FOXO1: variants seen among roughly 807,000 people sequenced by gnomAD.
FOXO1 encodes the protein forkhead box protein O1.
A neutral mutation model predicts 44.1 loss-of-function variants in FOXO1; 6 were observed. That is an observed-to-expected ratio of 0.14 (90% confidence interval 0.07 to 0.27). The LOEUF (loss-of-function observed/expected upper bound fraction) is 0.27. FOXO1 is among the 10% of genes least tolerant of loss of function. FOXO1 has a pLI of 1.00. For synonymous variants in FOXO1, 380 were observed against 362.7 expected (o/e 1.05, Z -0.54); for missense variants, 737 against 888.8 (o/e 0.83, Z 2.17).
At chr13:40,567,510 C>A (rs1874315312) in intron 1 of FOXO1, among the ~76,000 whole-genome samples, 1 of 152,116 alleles carries the variant, frequency 6.6e-6, no homozygotes, top group Admixed American at 6.6e-5. Flanking sequence ...ATTCTACCTG[C>A]AACCCCACTG....
chr13:40,582,784 A>G (rs1038660187), intron 1 of FOXO1, among the ~76,000 whole-genome samples: 1 of 152,210 alleles, frequency 6.6e-6, no homozygotes, highest in South Asian at 2.1e-4. Flanking sequence ...CTCTTCTGAA[A>G]TCTTGAACCC....
At chr13:40,615,528 A>C (rs1266895435) in intron 1 of FOXO1, among the ~76,000 whole-genome samples, 1 of 139,706 alleles carries the variant, frequency 7.2e-6, no homozygotes, top group Admixed American at 7.1e-5. Flanking sequence ...CTCCATCTCA[A>C]ATACATACAT....
intron 1 of FOXO1, among the ~76,000 whole-genome samples, chr13:40,585,343 G>A (rs868644433): frequency 9.2e-4 from 135 of 147,118 alleles, no homozygotes; most frequent in East Asian, 3.5e-3. Context: ...CTGCGCGCGC[G>A]CACACACACA....
At chr13:40,663,213 A>T (rs111480421) in intron 1 of FOXO1, among the ~76,000 whole-genome samples, 188 of 151,454 alleles carry the variant, frequency 1.2e-3, no homozygotes, top group African/African-American at 2.2e-3. Flanking sequence ...AAATAAATTT[A>T]AAAAAAAACT....
At chr13:40,583,696 A>T (rs1207585672) in intron 1 of FOXO1, among the ~76,000 whole-genome samples, 1 of 152,206 alleles carries the variant, frequency 6.6e-6, no homozygotes, top group African/African-American at 2.4e-5. Context: ...CTTGCTCTGA[A>T]CATGGCTTTG....
rs548709361 is a variant in FOXO1 at position 40,602,049 on chromosome 13, C to A, written c.631-41189G>T. On this transcript the variant is annotated intron_variant, in intron 1 of 2. Transcript: ENST00000379561. ...AGAAAGATTCATGTAAACCTTAGTC[C>A]CATCACTAAAGCAAAAGACAAGCAT... Among the ~76,000 whole-genome samples, 3 of 152,158 alleles carry A rather than the reference C, an allele frequency of 2.0e-5. No homozygotes were observed. The East Asian group carries it at 5.8e-4, about 29-fold the overall frequency.
At chr13:40,574,880 A>G (rs1446773110) in intron 1 of FOXO1, among the ~76,000 whole-genome samples, 1 of 152,244 alleles carries the variant, frequency 6.6e-6, no homozygotes, top group Admixed American at 6.5e-5. Context: ...CATAATAAAT[A>G]GCCAAACCTA....
At chr13:40,628,356 TACACACACACACACAC>T (rs34314244) in intron 1 of FOXO1, among the ~76,000 whole-genome samples, 1 of 145,206 alleles carries the variant, frequency 6.9e-6, no homozygotes, top group South Asian at 2.2e-4. Context: ...AAGAGCTGTT[TACACACACACACACAC>T]ACACACACAC....
intron 1 of FOXO1, among the ~76,000 whole-genome samples, chr13:40,643,733 TA>T (rs201385487): frequency 4.7e-5 from 7 of 148,926 alleles, no homozygotes; most frequent in South Asian, 2.1e-4. Flanking sequence ...GTCCGTAATT[TA>T]AAAAAAAAAG....
At chr13:40,595,684 C>T (rs866566140) in intron 1 of FOXO1, among the ~76,000 whole-genome samples, 3 of 152,114 alleles carry the variant, frequency 2.0e-5, no homozygotes, top group South Asian at 2.1e-4. Context: ...TTCACAATTT[C>T]CTCTGATTCC....
At chr13:40,592,145 T>C (rs1875398571) in intron 1 of FOXO1, among the ~76,000 whole-genome samples, 1 of 152,206 alleles carries the variant, frequency 6.6e-6, no homozygotes, top group Non-Finnish European at 1.5e-5. Flanking sequence ...ACCTGTATAT[T>C]ACCTATGCAT....
intron 1 of FOXO1, among the ~76,000 whole-genome samples, chr13:40,658,905 A>C (rs1877945534): frequency 6.6e-6 from 1 of 152,136 alleles, no homozygotes; most frequent in Admixed American, 6.5e-5. Context: ...TCAGCTACTC[A>C]GGAGGCTGAG....
At chr13:40,621,641 T>G (rs1271003767) in intron 1 of FOXO1, among the ~76,000 whole-genome samples, 1 of 152,234 alleles carries the variant, frequency 6.6e-6, no homozygotes, top group Non-Finnish European at 1.5e-5. Context: ...CTTTTGTATC[T>G]GCACAATTCA....
intron 1 of FOXO1, among the ~76,000 whole-genome samples, chr13:40,647,563 T>C (rs1392997378): frequency 6.6e-6 from 1 of 152,066 alleles, no homozygotes; most frequent in Non-Finnish European, 1.5e-5. Flanking sequence ...CACCACCACA[T>C]CTGGCTAGTT....
intron 1 of FOXO1, among the ~76,000 whole-genome samples, chr13:40,664,191 T>C (rs183167536): frequency 3.0e-4 from 45 of 152,266 alleles, no homozygotes; most frequent in African/African-American, 9.9e-4. Flanking sequence ...GAGAATCGCT[T>C]GAACCAGAGA....
intron 1 of FOXO1, among the ~76,000 whole-genome samples, chr13:40,638,389 C>CA (rs1030099799): frequency 1.8e-4 from 26 of 145,408 alleles, no homozygotes; most frequent in African/African-American, 4.3e-4. Flanking sequence ...GCTTCTCCAA[C>CA]AAAAAAAAAA....
chr13:40,665,118 C>T (rs1255759496), intron 1 of FOXO1, among the ~76,000 whole-genome samples: 1 of 151,708 alleles, frequency 6.6e-6, no homozygotes, highest in Non-Finnish European at 1.5e-5. Flanking sequence ...CAGCGAGGCT[C>T]CGGGGCCCCT....
intron 1 of FOXO1, among the ~76,000 whole-genome samples, chr13:40,624,317 T>TTTAAA (rs781451856): frequency 9.9e-6 from 1 of 100,952 alleles, no homozygotes; most frequent in African/African-American, 3.4e-5. Flanking sequence ...TAATACTGCT[T>TTTAAA]AAAAAAAAAA....
chr13:40,660,958 A>G (rs1380900929), intron 1 of FOXO1, among the ~76,000 whole-genome samples: 1 of 68,582 alleles, frequency 1.5e-5, no homozygotes, highest in Non-Finnish European at 2.7e-5. Flanking sequence ...AAACAACAAC[A>G]ACAACAACAA....
Sources: allele counts gnomAD v4.1 joint callset (sites outside exome capture counted in the v4.1 genomes callset), GRCh38; gene constraint gnomAD v4.1.1; transcripts MANE v1.5; gene names NCBI Gene and HGNC (gene_info 2026-07-23, HGNC 2026-07-21).